Variants in UNC13A observed in about 807,000 individuals in gnomAD.
The protein encoded by UNC13A is protein unc-13 homolog A.
A neutral mutation model predicts 219.7 loss-of-function variants in UNC13A; 61 were observed. The ratio of observed to expected loss-of-function variants is 0.28; its 90% confidence interval spans 0.23 to 0.34. The LOEUF (loss-of-function observed/expected upper bound fraction) is 0.34. UNC13A is among the 10% of genes least tolerant of loss of function. The pLI is 1.00. For missense variants in UNC13A, 1,476 were observed against 2,270.3 expected, an observed-to-expected ratio of 0.65 and a Z score of 7.11; for synonymous variants, 920 against 884.6, an observed-to-expected ratio of 1.04 and a Z score of -0.71.
At chr19:17,653,826 T>C (rs1489602897) in intron 11 of UNC13A, among the ~76,000 whole-genome samples, 3 of 138,364 alleles carry the variant, frequency 2.2e-5, no homozygotes, top group African/African-American at 5.6e-5. Context: ...CTTCTCTTTT[T>C]TTTTTTTTTT....
intron 25 of UNC13A, 95 bp from the exon 26 acceptor site, chr19:17,636,252 C>T: frequency 1.4e-6 from 2 of 1,385,712 alleles, no homozygotes; most frequent in South Asian, 1.5e-5. Flanking sequence ...TAGAGGAATG[C>T]ATCCCATCAT....
At position 17,630,684 on chromosome 19, in the gene UNC13A, G is replaced by A. The variant is rs777778920; in HGVS notation, c.3495C>T (p.His1165=). Residue 1165 remains histidine, a synonymous_variant, in exon 29 of 44, where the codon CAC becomes CAT. Coordinates refer to ENST00000519716, the MANE Select transcript of UNC13A (RefSeq NM_001080421.3). The part of the protein sequence containing the change: ...ENEEVSRDFL[H]GALERDKKDG... ...CCTTCTTGTCTCGCTCCAGGGCACC[G>A]TGCAGGAAATCCCGGGACACCTCCT... 11 of 1,613,732 alleles carry A rather than the reference G, an allele frequency of 6.8e-6. No homozygotes were observed. Among genetic ancestry groups the A allele is most frequent in the South Asian group, 6.6e-5 (6 of 91,078 alleles).
intron 36 of UNC13A, chr19:17,622,612 T>C (rs1409741418): frequency 2.0e-5 from 3 of 153,242 alleles, no homozygotes; most frequent in Admixed American, 6.6e-5. Flanking sequence ...AGGGAAAATC[T>C]GAAGTTGTTT....
chr19:17,681,929 A>G (rs1365203562), intron 1 of UNC13A, among the ~76,000 whole-genome samples: 1 of 148,510 alleles, frequency 6.7e-6, no homozygotes, highest in Non-Finnish European at 1.5e-5. Flanking sequence ...TTTAGTCTCC[A>G]TTAATAAAAA....
chr19:17,640,411 A>G lies in UNC13A; in HGVS notation c.2787+100T>C, dbSNP rs1894641919. 10 of 1,390,024 alleles carry G rather than the reference A, an allele frequency of 7.2e-6. No individual in the cohort carries two copies. The South Asian group carries it at 1.3e-4, about 18-fold the overall frequency. The allele number at this position is 1,390,024 out of a possible 1,614,324, so 86.1% of individuals were successfully genotyped here. On this transcript the variant is annotated intron_variant, in intron 22 of 43. Transcript: ENST00000519716. ...GGAAGTGACTGGTGGAAAGTCACAC[A>G]GCAATCAGGTCTAGACTGGGGACCC... is the stretch of plus-strand genomic sequence containing the variant.
rs900859786 is a variant in UNC13A at position 17,686,317 on chromosome 19, C to A, written c.22+1861G>T. Among the ~76,000 whole-genome samples, 30 of 68,550 alleles carry A rather than the reference C, an allele frequency of 4.4e-4. 2 individuals are homozygous for A. The highest frequency in any genetic ancestry group is 2.8e-3 in the Admixed American group (22 of 7,894). The allele number at this position is 68,550 out of a possible 152,430, so 45.0% of individuals were successfully genotyped here. On this transcript the variant is annotated intron_variant, in intron 1 of 43. Transcript: ENST00000519716. The stretch of plus-strand genomic sequence containing the variant: ...ATCCCCGCCCCCCCCCCCCCCCCCC[C>A]ACTCCACTAGGCAAACCTTCCAGAG...
chr19:17,629,412 G>T, intron 30 of UNC13A, 89 bp from the exon 31 acceptor site: 1 of 1,222,798 alleles, frequency 8.2e-7, no homozygotes. Flanking sequence ...TGAGATCAGT[G>T]ATGAACCCAA....
chr19:17,642,369 C>T (rs911279636), intron 20 of UNC13A, among the ~76,000 whole-genome samples: 4 of 152,126 alleles, frequency 2.6e-5, no homozygotes, highest in Non-Finnish European at 5.9e-5. Flanking sequence ...CATCTAGCCA[C>T]GAATCTACCC....
Position 17,623,558 on chromosome 19 carries a change from TGATGGGGGCGGGGC to T in UNC13A, c.4198-25_4198-12del. 1 of 1,290,480 alleles carries T rather than the reference TGATGGGGGCGGGGC, an allele frequency of 7.7e-7. No homozygotes were observed. The highest frequency in any genetic ancestry group is 1.0e-6 in the Non-Finnish European group (1 of 994,254). 79.9% of individuals were successfully genotyped at this position (1,290,480 alleles called of 1,614,324 possible). On this transcript the variant is annotated splice_polypyrimidine_tract_variant and intron_variant, in intron 35 of 43. Coordinates refer to ENST00000519716, the MANE Select transcript of UNC13A (RefSeq NM_001080421.3). The stretch of plus-strand genomic sequence containing the variant: ...TCTACTTACGATCATCTGTCATCCG[TGATGGGGGCGGGGC>T]GGTGGGGGAGGGGGGAATAAGGTAC...
chr19:17,656,364 C>A lies in UNC13A; in HGVS notation c.802G>T (p.Glu268Ter). ...TGSSRYASSG[E>*]LSQGSSQLSE... Reference sequence around the variant, plus strand: ...AGCTGAGAGCTTCCCTGGCTCAGCTCCCCGGAAGAGGCATAGCGGCTGCTA... The same window carrying A: ...AGCTGAGAGCTTCCCTGGCTCAGCTACCCGGAAGAGGCATAGCGGCTGCTA... The change falls in exon 10 of 44, where the codon GAG becomes TAG. Residue 268 changes from glutamate to a stop codon, truncating the protein, a stop_gained. Transcript: ENST00000519716. LOFTEE classifies it high-confidence loss of function. 1 of 1,553,316 alleles carries A rather than the reference C, an allele frequency of 6.4e-7. No homozygotes were observed. The highest frequency in any genetic ancestry group is 8.7e-7 in the Non-Finnish European group (1 of 1,150,340).
rs60961485 is a variant in UNC13A, at chr19:17,618,757, T to C, written c.4329+149A>G. On this transcript the variant is annotated intron_variant, in intron 39 of 43. Transcript: ENST00000519716. ...TTTCTGACACACTGGGGAGCAAATA[T>C]CTTGTGCTTCAGTGAGTAGAGTTTC... 8,626 of 801,992 alleles carry C rather than the reference T, an allele frequency of 0.011. 521 individuals carry two copies. In the African/African-American group the frequency reaches 0.13, roughly 12 times the overall value. The allele number at this position is 801,992 out of a possible 1,614,324, so 49.7% of individuals were successfully genotyped here. A position where few individuals can be genotyped will look rare whatever the true frequency, so the allele number is the denominator to read the frequency against.
Position 17,655,870 on chromosome 19 carries a change from C to G in UNC13A, c.1283+13G>C. Reference sequence around the variant, plus strand: ...GTGGCAGCCCCTCTGGCCCCTTGGCCCCGTCCTGTTACCTCTCCTCGTCCT... The same window carrying G: ...GTGGCAGCCCCTCTGGCCCCTTGGCGCCGTCCTGTTACCTCTCCTCGTCCT... On this transcript the variant is annotated intron_variant, in intron 10 of 43. Coordinates refer to ENST00000519716, the MANE Select transcript of UNC13A (RefSeq NM_001080421.3). 1 of 1,510,846 alleles carries G rather than the reference C, an allele frequency of 6.6e-7. No homozygotes were observed. The highest frequency in any genetic ancestry group is 8.8e-7 in the Non-Finnish European group (1 of 1,134,852). 93.6% of individuals were successfully genotyped at this position (1,510,846 alleles called of 1,614,324 possible). A position where few individuals can be genotyped will look rare whatever the true frequency, so the allele number is the denominator to read the frequency against.
intron 11 of UNC13A, 27 bp from the exon 12 acceptor site, chr19:17,652,704 C>A: frequency 1.2e-6 from 2 of 1,613,474 alleles, no homozygotes; most frequent in South Asian, 2.2e-5. Context: ...CAGATATGGT[C>A]AGTGTGGCTG....
intron 38 of UNC13A, 47 bp from the exon 39 acceptor site, chr19:17,619,009 T>C (rs1326378949): frequency 6.3e-7 from 1 of 1,577,780 alleles, no homozygotes; most frequent in Middle Eastern, 1.7e-4. Context: ...GTGCTACAGC[T>C]GACACTCCAG....
chr19:17,669,531 G>A lies in UNC13A; in HGVS notation c.394+22C>T, dbSNP rs141329228. The A allele has an allele frequency of 2.2e-5, 36 of 1,610,096 alleles. No individual in the cohort carries two copies. In the East Asian group the frequency reaches 7.1e-4, roughly 32 times the overall value. ...ACAACTGGGGCTGGGGCTGGGTGAA[G>A]GTCCCGGGCCCCTGTACTCACCTAA... On this transcript the variant is annotated intron_variant, in intron 5 of 43. Coordinates refer to ENST00000519716, the MANE Select transcript of UNC13A (RefSeq NM_001080421.3).
At chr19:17,650,933 ATTTT>A (rs34451347) in intron 12 of UNC13A, among the ~76,000 whole-genome samples, 61,728 of 127,792 alleles carry the variant, frequency 0.48, 13,916 homozygotes, top group East Asian at 0.62. Context: ...CACCCAGCAA[ATTTT>A]TTTTTTTTTT....
In UNC13A at chr19:17,605,329, T is replaced by TA. The variant is rs1466877081; in HGVS notation, c.*724dup. The TA allele has an allele frequency of 6.6e-6, 1 of 152,616 alleles. No homozygotes were observed. Among genetic ancestry groups the TA allele is most frequent in the East Asian group, 1.9e-4 (1 of 5,186 alleles). 9.5% of individuals were successfully genotyped at this position (152,616 alleles called of 1,614,324 possible). A position where few individuals can be genotyped will look rare whatever the true frequency, so the allele number is the denominator to read the frequency against. On this transcript the variant is annotated 3_prime_UTR_variant, in exon 44 of 44. Coordinates refer to ENST00000519716, the MANE Select transcript of UNC13A (RefSeq NM_001080421.3). Reference sequence around the variant, plus strand: ...CAAATGGGTGTGTTGAACTCTATGATATGAGGACTGGGTTTGTTGGGGGAG... The same window carrying TA: ...CAAATGGGTGTGTTGAACTCTATGATAATGAGGACTGGGTTTGTTGGGGGAG...
rs1425262909 is a variant in UNC13A, at chr19:17,633,151, C to G, written c.3258G>C (p.Val1086=). Residue 1086 remains valine (V), a synonymous_variant, in exon 27 of 44, where the codon GTG becomes GTC. Transcript: ENST00000519716. ...ELNVGKISAE[V]MWNLFAQDMK... is the part of the protein sequence containing the mutation. ...TGTCTTGGGCAAACAGATTCCACAT[C>G]ACTTCAGCGCTGATTTTACCCACAT... is the stretch of plus-strand genomic sequence containing the variant. 1 of 1,614,068 alleles carries G rather than the reference C, an allele frequency of 6.2e-7. No homozygotes were observed. The highest frequency in any genetic ancestry group is 1.3e-5 in the African/African-American group (1 of 74,908).
At chr19:17,685,887 G>C (rs1454339603) in intron 1 of UNC13A, among the ~76,000 whole-genome samples, 49 of 152,096 alleles carry the variant, frequency 3.2e-4, no homozygotes, top group Non-Finnish European at 7.4e-5. Flanking sequence ...TCTCAGCCTA[G>C]CTTCACTCCT....
Sources: allele counts gnomAD v4.1 joint callset (sites outside exome capture counted in the v4.1 genomes callset), GRCh38; gene constraint gnomAD v4.1.1; transcripts MANE v1.5; gene names NCBI Gene and HGNC (gene_info 2026-07-23, HGNC 2026-07-21).